The following BEGAIN variants were observed in gnomAD, a reference collection of about 807,000 sequenced individuals.
The protein encoded by BEGAIN is brain-enriched guanylate kinase-associated protein.
A neutral mutation model predicts 35.8 loss-of-function variants in BEGAIN; 19 were observed. The ratio of observed to expected loss-of-function variants is 0.53; its 90% CI spans 0.37 to 0.78. The LOEUF (loss-of-function observed/expected upper bound fraction) is 0.78. Ranked by LOEUF, BEGAIN falls within the 30% of genes least tolerant of loss-of-function variation. The probability of loss-of-function intolerance (pLI) is 0.00; values close to 1 mark genes in which losing one functional copy is unlikely to be tolerated. For missense variants in BEGAIN, 795 were observed against 853.6 expected (o/e 0.93, Z 0.85); for synonymous variants, 462 against 388.6 (o/e 1.19, Z -2.22).
intron 1 of BEGAIN, among the ~76,000 whole-genome samples, chr14:100,576,577 G>A (rs2035208413): frequency 6.6e-6 from 1 of 152,142 alleles, no homozygotes; most frequent in South Asian, 2.1e-4. Flanking sequence ...CACGGCCTCC[G>A]TCTCCATCCT....
At chr14:100,540,988 G>A (rs907928648) in intron 5 of BEGAIN, among the ~76,000 whole-genome samples, 2 of 152,218 alleles carry the variant, frequency 1.3e-5, no homozygotes, top group African/African-American at 4.8e-5. Flanking sequence ...GGGTGGGAGT[G>A]CCAGGCAGGA....
rs762485619 is a variant in BEGAIN, at chr14:100,539,331, G to C, written c.493-16C>G. On this transcript the variant is annotated splice_polypyrimidine_tract_variant and intron_variant, in intron 6 of 6. Transcript: ENST00000554140. Reference sequence around the variant, plus strand: ...CCGAGGGCAGCTGGAACGGGTGCGAGGAGGGGGACGGCGGGTACAGGGTCA... The same window carrying C: ...CCGAGGGCAGCTGGAACGGGTGCGACGAGGGGGACGGCGGGTACAGGGTCA... 7.8e-6 allele frequency: 12 copies of C among 1,534,810 alleles called. No individual in the cohort carries two copies. Among genetic ancestry groups the C allele is most frequent in the Non-Finnish European group, 1.0e-5 (12 of 1,143,750 alleles).
chr14:100,537,586 A>C lies in BEGAIN; in HGVS notation c.*383T>G, dbSNP rs968082814. ...GGGCAGGCCCCACGCACCCTCGCCC[A>C]AAAAATAAAGGAGCTTTGTGTTGAA... On this transcript the variant is annotated 3_prime_UTR_variant, in exon 7 of 7. Transcript: ENST00000554140. 8 of 186,356 alleles carry C rather than the reference A, an allele frequency of 4.3e-5. No individual in the cohort carries two copies. The highest frequency in any genetic ancestry group is 1.5e-4 in the South Asian group (1 of 6,588). The allele number at this position is 186,356 out of a possible 1,614,324, so 11.5% of individuals were successfully genotyped here. A position where few individuals can be genotyped will look rare whatever the true frequency, so the allele number is the denominator to read the frequency against.
chr14:100,571,929 A>C (rs945631215), intron 1 of BEGAIN, among the ~76,000 whole-genome samples: 2 of 152,178 alleles, frequency 1.3e-5, no homozygotes, highest in African/African-American at 4.8e-5. Context: ...GAGGCCCGAC[A>C]GCAGAGCTCC....
In BEGAIN at chr14:100,567,993, C is replaced by T; in HGVS notation, c.43-54G>A. ...AGGCAGGAGGCGTGCGCTCCGCGGC[C>T]GCGCCGGGCAGAGCCGGGCACAGCG... On this transcript the variant is annotated intron_variant, in intron 1 of 6. Transcript: ENST00000554140. This position sits in a 1 kb window ranked among gnomAD's most constrained non-coding sequence, Gnocchi z 5.1. 7.2e-7 allele frequency: 1 copy of T among 1,386,188 alleles called. No homozygotes were observed. Among genetic ancestry groups the T allele is most frequent in the South Asian group, 1.4e-5 (1 of 72,494 alleles). 85.9% of individuals were successfully genotyped at this position (1,386,188 alleles called of 1,614,324 possible).
chr14:100,564,209 G>T (rs900166598), intron 2 of BEGAIN, among the ~76,000 whole-genome samples: 1 of 152,022 alleles, frequency 6.6e-6, no homozygotes, highest in Admixed American at 6.6e-5. Context: ...TGGTCGCCAG[G>T]TGGTCGTTCT....
chr14:100,540,229 C>G, intron 6 of BEGAIN: 2 of 514,848 alleles, frequency 3.9e-6, no homozygotes, highest in Non-Finnish European at 7.0e-6. Context: ...CTGGAGCAGC[C>G]CCCCAAAGGA....
In BEGAIN at chr14:100,540,593, G is replaced by A. The variant is rs1413373320; in HGVS notation, c.409-14C>T. 2 of 1,584,768 alleles carry A rather than the reference G, an allele frequency of 1.3e-6. No homozygotes were observed. Among genetic ancestry groups the A allele is most frequent in the South Asian group, 1.1e-5 (1 of 87,592 alleles). On this transcript the variant is annotated splice_polypyrimidine_tract_variant and intron_variant, in intron 5 of 6. Coordinates refer to ENST00000554140, the MANE Select transcript of BEGAIN (RefSeq NM_001385089.1). ...CCTATAGAGCTCCTAAAAGACAAGA[G>A]AAGGCGTTTGGCGCCATTCACCCCA... is the stretch of plus-strand genomic sequence containing the variant.
Position 100,568,751 on chromosome 14 carries a change from G to T in BEGAIN, c.43-812C>A. On this transcript the variant is annotated intron_variant, in intron 1 of 6. Coordinates refer to ENST00000554140, the MANE Select transcript of BEGAIN (RefSeq NM_001385089.1). The surrounding 1 kb of genome is among the most constrained non-coding windows in gnomAD (Gnocchi z 7.5). ...CGGGGACCGCGAGCGGCCCGGGCGG[G>T]ATCGCACTTCCTGCGTGGAGCTGGG... 2 of 679,474 alleles carry T rather than the reference G, an allele frequency of 2.9e-6. No homozygotes were observed. Among genetic ancestry groups the T allele is most frequent in the Non-Finnish European group, 3.6e-6 (2 of 549,106 alleles). 42.1% of individuals were successfully genotyped at this position (679,474 alleles called of 1,614,324 possible).
intron 1 of BEGAIN, among the ~76,000 whole-genome samples, chr14:100,582,873 C>T (rs1055429149): frequency 2.6e-5 from 4 of 151,840 alleles, no homozygotes; most frequent in Admixed American, 2.6e-4. Context: ...TCTGATCAGC[C>T]CCCTCCTGAC....
Position 100,538,905 on chromosome 14 carries a change from G to C in BEGAIN, c.903C>G (p.Phe301Leu). The C allele has an allele frequency of 6.2e-7, 1 of 1,607,478 alleles. No individual in the cohort carries two copies. The highest frequency in any genetic ancestry group is 8.5e-7 in the Non-Finnish European group (1 of 1,177,996). The change falls in exon 7 of 7, where the codon TTC (phenylalanine) becomes TTG (leucine). Residue 301 changes from phenylalanine to leucine, a missense_variant. Coordinates refer to ENST00000554140, the MANE Select transcript of BEGAIN (RefSeq NM_001385089.1). Reference protein sequence around the residue: ...EAEAAAFPAGFQHEAFPSYAG... With the variant: ...EAEAAAFPAGLQHEAFPSYAG... Reference sequence around the variant, plus strand: ...CGTAGCTGGGGAAGGCCTCATGCTGGAAGCCCGCCGGGAAGGCCGCCGCCT... The same window carrying C: ...CGTAGCTGGGGAAGGCCTCATGCTGCAAGCCCGCCGGGAAGGCCGCCGCCT...
At chr14:100,574,183 C>T (rs2035152868) in intron 1 of BEGAIN, among the ~76,000 whole-genome samples, 1 of 152,232 alleles carries the variant, frequency 6.6e-6, no homozygotes, top group Admixed American at 6.5e-5. Context: ...CTTTCCTGGC[C>T]TTATCTGATC....
At chr14:100,566,952 GC>G (rs2034735352) in intron 2 of BEGAIN, among the ~76,000 whole-genome samples, 1 of 152,182 alleles carries the variant, frequency 6.6e-6, no homozygotes. Flanking sequence ...AGCTGGCAGA[GC>G]CCAGGGCCCC....
Position 100,538,169 on chromosome 14 carries a change from G to C in BEGAIN, c.1639C>G (p.Leu547Val), listed in dbSNP as rs752717572. Residue 547 changes from leucine (L) to valine (V), a missense_variant, in exon 7 of 7, where the codon CTG (leucine) becomes GTG (valine). By Grantham distance (32) the Leu-to-Val change is conservative. This residue lies in a region of BEGAIN where 664 missense variants were observed against 647.7 expected (regional missense o/e 1.03). Coordinates refer to ENST00000554140, the MANE Select transcript of BEGAIN (RefSeq NM_001385089.1). Reference sequence around the variant, plus strand: ...TCAGGGCTGCTGGCGGTCCCACACAGCTGCACCCCGAGCCTGTCCCCGTCC... The same window carrying C: ...TCAGGGCTGCTGGCGGTCCCACACACCTGCACCCCGAGCCTGTCCCCGTCC... ...GGDGDRLGVQ[L>V]CGTASSPEPE... is the part of the protein sequence containing the mutation. 2 of 1,532,402 alleles carry C rather than the reference G, an allele frequency of 1.3e-6. No individual in the cohort carries two copies. The highest frequency in any genetic ancestry group is 1.2e-5 in the South Asian group (1 of 80,648). The allele number at this position is 1,532,402 out of a possible 1,614,324, so 94.9% of individuals were successfully genotyped here. A position where few individuals can be genotyped will look rare whatever the true frequency, so the allele number is the denominator to read the frequency against.
intron 2 of BEGAIN, among the ~76,000 whole-genome samples, chr14:100,559,117 C>T (rs571712682): frequency 9.9e-5 from 15 of 152,242 alleles, no homozygotes; most frequent in Admixed American, 9.1e-4. Flanking sequence ...TTGGCTTGGG[C>T]TTGGGGCCGT....
intron 2 of BEGAIN, among the ~76,000 whole-genome samples, chr14:100,562,923 T>C (rs1421548657): frequency 2.6e-5 from 4 of 152,186 alleles, no homozygotes; most frequent in Non-Finnish European, 5.9e-5. Context: ...CAGCAGCCTC[T>C]GGTGCTCAGT....
intron 2 of BEGAIN, chr14:100,547,404 G>A (rs1325411413): frequency 6.6e-6 from 1 of 152,230 alleles, no homozygotes; most frequent in African/African-American, 2.4e-5. Context: ...GGGGTCTCCT[G>A]GAGGGTAGGA....
At position 100,568,345 on chromosome 14, in the gene BEGAIN, T is replaced by A; in HGVS notation, c.43-406A>T. On this transcript the variant is annotated intron_variant, in intron 1 of 6. Transcript: ENST00000554140. The surrounding 1 kb of genome is among the most constrained non-coding windows in gnomAD (Gnocchi z 7.5). Reference sequence around the variant, plus strand: ...CCCGTTAACCCTTCCTGCCCCGCGCTCCCTCCCGGAGGAAGCCGAACCCCG... The same window carrying A: ...CCCGTTAACCCTTCCTGCCCCGCGCACCCTCCCGGAGGAAGCCGAACCCCG... The A allele has an allele frequency of 4.1e-5, 25 of 609,158 alleles. No individual in the cohort carries two copies. The highest frequency in any genetic ancestry group is 1.1e-4 in the East Asian group (1 of 9,340). The allele number at this position is 609,158 out of a possible 1,614,324, so 37.7% of individuals were successfully genotyped here.
In BEGAIN at chr14:100,587,233, G is replaced by T. The variant is rs911359658; in HGVS notation, c.42+16C>A. 2 of 192,862 alleles carry T rather than the reference G, an allele frequency of 1.0e-5. No individual in the cohort carries two copies. The highest frequency in any genetic ancestry group is 2.1e-5 in the Non-Finnish European group (2 of 95,644). The allele number at this position is 192,862 out of a possible 1,614,324, so 11.9% of individuals were successfully genotyped here. On this transcript the variant is annotated intron_variant, in intron 1 of 6. Coordinates refer to ENST00000554140, the MANE Select transcript of BEGAIN (RefSeq NM_001385089.1). ...CCCGCGCCCGCGCCCTGCCCTCCCG[G>T]CTCGCAGGTACTCACCGCCCGGCGC...
Sources: allele counts gnomAD v4.1 joint callset (sites outside exome capture counted in the v4.1 genomes callset), GRCh38; gene constraint gnomAD v4.1.1; regional missense constraint gnomAD v4.1.1; non-coding constraint Gnocchi (gnomAD v3.1); transcripts MANE v1.5; gene names NCBI Gene and HGNC (gene_info 2026-07-23, HGNC 2026-07-21).